Variants in NRAP observed in about 807,000 individuals in gnomAD.
NRAP encodes nebulin-related-anchoring protein.
A neutral mutation model predicts 225.9 loss-of-function variants in NRAP; 189 were observed. The observed-to-expected ratio is 0.84, with a 90% CI of 0.74 to 0.94. The LOEUF is 0.94. NRAP is among the 40% of genes least tolerant of loss of function. The pLI, the probability that NRAP is intolerant of heterozygous loss-of-function variation, is 0.00. For missense variants in NRAP, 2,176 were observed against 2,168.7 expected (o/e 1.00, Z -0.07); for synonymous variants, 769 against 790.7 (o/e 0.97, Z 0.46).
intron 16 of NRAP, among the ~76,000 whole-genome samples, chr10:113,632,829 A>AG (rs369045215): frequency 6.6e-6 from 1 of 152,168 alleles, no homozygotes; most frequent in Non-Finnish European, 1.5e-5. Context: ...ATGAGCATGT[A>AG]GGGGGGTGTG....
intron 3 of NRAP, among the ~76,000 whole-genome samples, chr10:113,660,658 T>C (rs1300446412): frequency 6.6e-6 from 1 of 152,188 alleles, no homozygotes; most frequent in Non-Finnish European, 1.5e-5. Flanking sequence ...ACATTATGGA[T>C]CTTTCTGTAG....
chr10:113,657,458 CT>C lies in NRAP; in HGVS notation c.360+11del. 2 of 1,374,028 alleles carry C rather than the reference CT, an allele frequency of 1.5e-6. No individual in the cohort carries two copies. Among genetic ancestry groups the C allele is most frequent in the Non-Finnish European group, 2.1e-6 (2 of 961,820 alleles). The allele number at this position is 1,374,028 out of a possible 1,614,324, so 85.1% of individuals were successfully genotyped here. ...TTTCTTTTTCCAAACCCACTTGTCA[CT>C]TTTCTCTCACCTCATTTGCCAGTGG... is the stretch of plus-strand genomic sequence containing the variant. On this transcript the variant is annotated intron_variant, in intron 4 of 41. Coordinates refer to ENST00000359988, the MANE Select transcript of NRAP (RefSeq NM_198060.4).
At position 113,634,170 on chromosome 10, in the gene NRAP, G is replaced by A. The variant is rs3189030; in HGVS notation, c.1469C>T (p.Ser490Leu). Residue 490 changes from serine to leucine, a missense_variant, in exon 15 of 42, where the codon TCG (serine) becomes TTG (leucine). Physicochemically the swap from Ser to Leu is moderately radical, Grantham distance 145. Around this residue, in one of 3 missense-constraint regions of NRAP, gnomAD observed 1,708 missense variants for 1,695.5 expected, o/e 1.01. Coordinates refer to ENST00000359988, the MANE Select transcript of NRAP (RefSeq NM_198060.4). ...AACAATCTGTGGGGTGTCAGTCACC[G>A]AGCTGTACTTCAACTTGTCGATGCT... Reference protein sequence around the residue: ...RQSIDKLKYSSVTDTPQIVQA... With the variant: ...RQSIDKLKYSLVTDTPQIVQA... 0.31 allele frequency: 499,398 copies of A among 1,611,454 alleles called. 80,769 individuals carry two copies. The highest frequency in any genetic ancestry group is 0.47 in the East Asian group (20,930 of 44,836).
intron 38 of NRAP, among the ~76,000 whole-genome samples, chr10:113,594,381 G>T (rs1344299783): frequency 6.6e-6 from 1 of 152,164 alleles, no homozygotes; most frequent in Non-Finnish European, 1.5e-5. Flanking sequence ...CTGCAGACCG[G>T]CATCCCTTGT....
At position 113,602,941 on chromosome 10, in the gene NRAP, G is replaced by C. The variant is rs115081622; in HGVS notation, c.4227+1668C>G. Reference sequence around the variant, plus strand: ...GGTGGTGGGGTGCTATGGACACCTAGAGGATAAAGACCACGGATGTTACTA... The same window carrying C: ...GGTGGTGGGGTGCTATGGACACCTACAGGATAAAGACCACGGATGTTACTA... On this transcript the variant is annotated intron_variant, in intron 35 of 41. Coordinates refer to ENST00000359988, the MANE Select transcript of NRAP (RefSeq NM_198060.4). Among the ~76,000 whole-genome samples the C allele has an allele frequency of 1.7e-3, 264 of 152,324 alleles. 2 individuals carry two copies. Among genetic ancestry groups the C allele is most frequent in the African/African-American group, 6.1e-3 (252 of 41,566 alleles).
chr10:113,654,508 A>G (rs1450139075), intron 4 of NRAP, among the ~76,000 whole-genome samples: 1 of 5,256 alleles, frequency 1.9e-4, no homozygotes, highest in Non-Finnish European at 5.2e-4. Flanking sequence ...CAATAAAAGC[A>G]AAAAAAAAAA....
chr10:113,637,819 G>A (rs1848964597), intron 14 of NRAP, among the ~76,000 whole-genome samples: 1 of 152,020 alleles, frequency 6.6e-6, no homozygotes, highest in Non-Finnish European at 1.5e-5. Flanking sequence ...CTACTCGGGA[G>A]GCTGAGGCAG....
rs11575789 is a variant in NRAP at position 113,589,665 on chromosome 10, C to A, written c.5088+1G>T. ...GGGTGGCTTTGCAGCTTGCTACTCACGTAAGCTCCCTGGAGACCCAGGCCC... is the reference window on the plus strand; with the variant it reads ...GGGTGGCTTTGCAGCTTGCTACTCAAGTAAGCTCCCTGGAGACCCAGGCCC... On this transcript the variant is annotated splice_donor_variant, in intron 41 of 41. Transcript: ENST00000359988. LOFTEE classifies it high-confidence loss of function. The A allele has an allele frequency of 1.9e-6, 3 of 1,613,466 alleles. No homozygotes were observed. In the African/African-American group the frequency reaches 4.0e-5, roughly 22 times the overall value.
intron 15 of NRAP, among the ~76,000 whole-genome samples, 191 bp from the exon 16 acceptor site, chr10:113,633,379 AACTCAAAGGC>A (rs1848681191): frequency 2.0e-5 from 3 of 152,226 alleles, no homozygotes; most frequent in African/African-American, 7.2e-5. Context: ...AAACTAAAGA[AACTCAAAGGC>A]ACACTTGAAG....
In NRAP at chr10:113,598,015, G is replaced by T. The variant is rs1305836754; in HGVS notation, c.4286C>A (p.Ser1429Tyr). ...MKGIGWLALRSPQMESAKKAG... is the reference protein window; with the variant it reads ...MKGIGWLALRYPQMESAKKAG... ...CTTCTTTGCACTCTCCATCTGTGGG[G>T]ATCTCAGCGCCAGCCATCCTATGCC... Residue 1429 changes from serine to tyrosine, a missense_variant, in exon 36 of 42, where the codon TCC becomes TAC. By Grantham distance (144) the Ser-to-Tyr change is moderately radical. Around this residue, in one of 3 missense-constraint regions of NRAP, gnomAD observed 445 missense variants for 426.1 expected, o/e 1.04. Transcript: ENST00000359988. 6.2e-7 allele frequency: 1 copy of T among 1,613,874 alleles called. No individual in the cohort carries two copies. The highest frequency in any genetic ancestry group is 2.2e-5 in the East Asian group (1 of 44,850).
chr10:113,641,561 G>T, intron 12 of NRAP, 89 bp from the exon 13 acceptor site: 1 of 746,688 alleles, frequency 1.3e-6, no homozygotes, highest in Non-Finnish European at 2.3e-6. Context: ...TAAATCCAAG[G>T]CATAAATGAT....
Position 113,657,479 on chromosome 10 carries a change from C to T in NRAP, c.351G>A (p.Leu117=). ...GTCACTTTTCTCTCACCTCATTTGC[C>T]AGTGGCTGCCTGTTAGGTGCACCTT... ...DKEGAPNRQP[L]ANERAYWTGY... Residue 117 remains leucine (L), a synonymous_variant, in exon 4 of 42, where the codon CTG becomes CTA. Transcript: ENST00000359988. 1 of 1,564,374 alleles carries T rather than the reference C, an allele frequency of 6.4e-7. No homozygotes were observed. Among genetic ancestry groups the T allele is most frequent in the Non-Finnish European group, 8.8e-7 (1 of 1,134,848 alleles).
chr10:113,610,068 G>A (rs972477360), intron 31 of NRAP, among the ~76,000 whole-genome samples: 1 of 152,040 alleles, frequency 6.6e-6, no homozygotes, highest in Non-Finnish European at 1.5e-5. Context: ...CAAACTGATT[G>A]GCTGGGCGCA....
Position 113,650,074 on chromosome 10 carries a change from C to A in NRAP, c.851G>T (p.Gly284Val). 1 of 1,610,874 alleles carries A rather than the reference C, an allele frequency of 6.2e-7. No individual in the cohort carries two copies. Among genetic ancestry groups the A allele is most frequent in the South Asian group, 1.1e-5 (1 of 91,006 alleles). ...GMAGPAIGAE[G>V]ILTRECADQY... Reference sequence around the variant, plus strand: ...GTCTGCACATTCCCTTGTCAAGATGCCCTCAGCTCCAATGGCTGGACCAGC... The same window carrying A: ...GTCTGCACATTCCCTTGTCAAGATGACCTCAGCTCCAATGGCTGGACCAGC... The change falls in exon 9 of 42, where the codon GGC becomes GTC. Residue 284 changes from glycine to valine, a missense_variant. Physicochemically the swap from Gly to Val is moderately radical, Grantham distance 109. This residue lies in a region of NRAP where 1,708 missense variants were observed against 1,695.5 expected (regional missense o/e 1.01). Coordinates refer to ENST00000359988, the MANE Select transcript of NRAP (RefSeq NM_198060.4).
intron 33 of NRAP, 43 bp from the exon 34 acceptor site, chr10:113,605,912 G>T (rs943400111): frequency 1.4e-6 from 2 of 1,407,392 alleles, no homozygotes; most frequent in Non-Finnish European, 2.0e-6. Context: ...AAAATTACAT[G>T]AATCAACGAG....
intron 15 of NRAP, among the ~76,000 whole-genome samples, chr10:113,633,674 G>A (rs1169854838): frequency 1.3e-5 from 2 of 152,086 alleles, no homozygotes; most frequent in Non-Finnish European, 2.9e-5. Flanking sequence ...TGGATGATTG[G>A]TGAAACTAAG....
At chr10:113,636,427 C>T (rs1400063649) in intron 14 of NRAP, among the ~76,000 whole-genome samples, 1 of 152,214 alleles carries the variant, frequency 6.6e-6, no homozygotes, top group Non-Finnish European at 1.5e-5. Flanking sequence ...GACAGCCCAC[C>T]TCAAGGAGTC....
intron 9 of NRAP, among the ~76,000 whole-genome samples, chr10:113,648,262 T>C (rs1849700598): frequency 1.3e-5 from 2 of 152,296 alleles, no homozygotes; most frequent in South Asian, 4.1e-4. Flanking sequence ...TATCCAACAA[T>C]GAAAACTATT....
intron 14 of NRAP, among the ~76,000 whole-genome samples, chr10:113,639,627 T>A (rs957464581): frequency 7.9e-5 from 12 of 152,262 alleles, no homozygotes; most frequent in African/African-American, 2.7e-4. Flanking sequence ...CACTTTTCCG[T>A]ATTTTCTAAA....
Sources: gnomAD v4.1 joint callset for allele counts (sites outside exome capture counted in the v4.1 genomes callset) on GRCh38, gnomAD v4.1.1 for gene constraint, gnomAD v4.1.1 regional missense constraint, MANE v1.5 for transcripts, NCBI Gene and HGNC (gene_info 2026-07-23, HGNC 2026-07-21) for gene names.